SUCLA2: variants seen among roughly 807,000 people sequenced by gnomAD.
SUCLA2 encodes succinate-CoA ligase ADP-forming subunit beta.
A neutral mutation model predicts 54.8 loss-of-function variants in SUCLA2; 30 were observed. The observed-to-expected ratio is 0.55, with a 90% CI of 0.41 to 0.74. The LOEUF (loss-of-function observed/expected upper bound fraction) is 0.74. Ranked by LOEUF, SUCLA2 falls within the 30% of genes least tolerant of loss-of-function variation. The probability of loss-of-function intolerance (pLI) is 0.00; values close to 1 mark genes in which losing one functional copy is unlikely to be tolerated. For synonymous variants in SUCLA2, 172 were observed against 188.9 expected, an observed-to-expected ratio of 0.91 and a Z score of 0.74; for missense variants, 476 against 562.9, an observed-to-expected ratio of 0.85 and a Z score of 1.56.
At chr13:47,973,944 C>T (rs9526426) in intron 4 of SUCLA2, among the ~76,000 whole-genome samples, 110,654 of 151,736 alleles carry the variant, frequency 0.73, 41,291 homozygotes, top group Non-Finnish European at 0.81. Flanking sequence ...TGTCAGGGGG[C>T]TGGGGCAAGG....
chr13:47,958,670 G>T (rs1042005679), intron 6 of SUCLA2, among the ~76,000 whole-genome samples: 4 of 152,164 alleles, frequency 2.6e-5, no homozygotes, highest in African/African-American at 9.6e-5. Context: ...AAAACAAAAT[G>T]ATCTTTGTGC....
intron 6 of SUCLA2, among the ~76,000 whole-genome samples, chr13:47,958,366 T>A (rs1162950236): frequency 1.3e-5 from 2 of 152,216 alleles, no homozygotes; most frequent in Non-Finnish European, 1.5e-5. Context: ...TGTGTATACA[T>A]ACATGTCTAG....
Position 47,967,533 on chromosome 13 carries a change from C to A in SUCLA2, c.802+1062G>T, listed in dbSNP as rs1192853445. Among the ~76,000 whole-genome samples, 4 of 152,030 alleles carry A rather than the reference C, an allele frequency of 2.6e-5. No homozygotes were observed. In the East Asian group the frequency reaches 7.7e-4, roughly 29 times the overall value. ...ATCTTAAGATGGAGAATAAAAAAATCTCTCAGCATAAAAGTAATGGAACTC... is the reference window on the plus strand; with the variant it reads ...ATCTTAAGATGGAGAATAAAAAAATATCTCAGCATAAAAGTAATGGAACTC... On this transcript the variant is annotated intron_variant, in intron 6 of 10. Coordinates refer to ENST00000646932, the MANE Select transcript of SUCLA2 (RefSeq NM_003850.3).
intron 2 of SUCLA2, chr13:47,994,990 AT>A (rs1207820154): frequency 5.4e-6 from 2 of 371,164 alleles, no homozygotes; most frequent in Non-Finnish European, 7.4e-6. Flanking sequence ...TATGCAAATT[AT>A]TTTTTCTGAC....
chr13:47,999,994 T>C (rs1950217630), intron 1 of SUCLA2, among the ~76,000 whole-genome samples: 1 of 152,098 alleles, frequency 6.6e-6, no homozygotes, highest in Non-Finnish European at 1.5e-5. Flanking sequence ...TGTCACTAAA[T>C]TCCCCATTTT....
At chr13:47,951,314 C>G (rs1461724924) in intron 8 of SUCLA2, among the ~76,000 whole-genome samples, 9 of 136,904 alleles carry the variant, frequency 6.6e-5, no homozygotes, top group Non-Finnish European at 1.1e-4. Flanking sequence ...GTCCGCCACC[C>G]CGCCCCCGCT....
In SUCLA2 at chr13:47,996,904, G is replaced by A. The variant is rs1203177405; in HGVS notation, c.210C>T (p.Ser70=). Residue 70 remains serine, a synonymous_variant, in exon 2 of 11, where the codon TCC becomes TCT. Coordinates refer to ENST00000646932, the MANE Select transcript of SUCLA2 (RefSeq NM_003850.3). ...SMELLQEAGV[S]VPKGYVAKSP... ...ACTTTGCCACATATCCTTTGGGAACGGAGACACCAGCTTCTTGCAATAATT... is the reference window on the plus strand; with the variant it reads ...ACTTTGCCACATATCCTTTGGGAACAGAGACACCAGCTTCTTGCAATAATT... The A allele has an allele frequency of 4.3e-6, 7 of 1,613,768 alleles. No individual in the cohort carries two copies. The highest frequency in any genetic ancestry group is 2.2e-5 in the East Asian group (1 of 44,880).
chr13:47,968,462 A>G, intron 6 of SUCLA2, 133 bp downstream of exon 6: 1 of 977,262 alleles, frequency 1.0e-6, no homozygotes, highest in Non-Finnish European at 1.5e-6. Context: ...TATTCATTCT[A>G]TCTGATTTTT....
intron 6 of SUCLA2, among the ~76,000 whole-genome samples, chr13:47,959,427 G>C (rs192922699): frequency 7.0e-6 from 1 of 142,458 alleles, no homozygotes; most frequent in South Asian, 2.3e-4. Flanking sequence ...GGAGAAGGAG[G>C]AGGGAGAAGG....
chr13:47,943,431 A>G lies in SUCLA2; in HGVS notation c.1332T>C (p.Ser444=), dbSNP rs774895145. The part of the protein sequence containing the change: ...DEAARMVVKL[S]EIVTLAKQAH... ...CTTGCTTCGCTAAGGTCACTATTTCAGAGAGCTTTACAACCTAAAAGAAAA... is the reference window on the plus strand; with the variant it reads ...CTTGCTTCGCTAAGGTCACTATTTCGGAGAGCTTTACAACCTAAAAGAAAA... Residue 444 remains serine (S), a synonymous_variant, in exon 11 of 11, where the codon TCT becomes TCC. Transcript: ENST00000646932. 4 of 1,613,934 alleles carry G rather than the reference A, an allele frequency of 2.5e-6. No individual in the cohort carries two copies. Among genetic ancestry groups the G allele is most frequent in the Non-Finnish European group, 3.4e-6 (4 of 1,179,860 alleles).
chr13:47,954,623 CA>C, intron 6 of SUCLA2, 66 bp from the exon 7 acceptor site: 1 of 1,517,908 alleles, frequency 6.6e-7, no homozygotes, highest in Non-Finnish European at 9.1e-7. Flanking sequence ...ATCAAATAGT[CA>C]AATGGTCTTT....
intron 1 of SUCLA2, among the ~76,000 whole-genome samples, chr13:48,000,136 T>TGA (rs1555260541): frequency 6.4e-5 from 6 of 93,136 alleles, no homozygotes; most frequent in East Asian, 2.7e-4. Context: ...TCAATAAAAA[T>TGA]GAAAAAAAAA....
intron 8 of SUCLA2, among the ~76,000 whole-genome samples, chr13:47,951,232 C>A (rs1345093727): frequency 6.6e-6 from 1 of 151,972 alleles, no homozygotes; most frequent in African/African-American, 2.4e-5. Flanking sequence ...GCTCAACCTC[C>A]TTCCCCTTTC....
intron 1 of SUCLA2, 21 bp downstream of exon 1, chr13:48,001,159 C>A: frequency 6.2e-7 from 1 of 1,601,508 alleles, no homozygotes; most frequent in South Asian, 1.1e-5. Flanking sequence ...CTCGAGACGA[C>A]AGCGGACTGG....
chr13:48,001,146 A>G, intron 1 of SUCLA2, 34 bp downstream of exon 1: 1 of 1,587,208 alleles, frequency 6.3e-7, no homozygotes, highest in Non-Finnish European at 8.6e-7. Flanking sequence ...TCTCCTGCCG[A>G]CCCTCGAGAC....
chr13:47,975,500 T>C (rs1302768760), intron 4 of SUCLA2, among the ~76,000 whole-genome samples: 2 of 152,106 alleles, frequency 1.3e-5, no homozygotes, highest in Non-Finnish European at 2.9e-5. Flanking sequence ...ACATACTCAT[T>C]TAAAGTATAA....
chr13:47,980,864 A>C (rs1314683800), intron 4 of SUCLA2, among the ~76,000 whole-genome samples: 2 of 152,176 alleles, frequency 1.3e-5, no homozygotes, highest in African/African-American at 4.8e-5. Flanking sequence ...CTCTTCAACA[A>C]ATGGTGCTAG....
chr13:47,965,613 C>T (rs1949912007), intron 6 of SUCLA2: 2 of 397,666 alleles, frequency 5.0e-6, no homozygotes, highest in South Asian at 2.6e-4. Context: ...GATGTGACAA[C>T]TCAATTCAAT....
intron 6 of SUCLA2, among the ~76,000 whole-genome samples, chr13:47,958,056 G>A (rs1949836193): frequency 1.3e-5 from 2 of 152,188 alleles, no homozygotes; most frequent in South Asian, 4.1e-4. Context: ...GAAAAAGTGG[G>A]ATGGAGTTGT....
Sources: allele counts gnomAD v4.1 joint callset (sites outside exome capture counted in the v4.1 genomes callset), GRCh38; gene constraint gnomAD v4.1.1; transcripts MANE v1.5; gene names NCBI Gene and HGNC (gene_info 2026-07-23, HGNC 2026-07-21).